RBFOX1: variants seen among roughly 807,000 people sequenced by gnomAD.
RBFOX1 encodes RNA binding fox-1 homolog 1.
In RBFOX1, 8 loss-of-function variants were observed where a neutral mutation model predicts 57.7. That is an observed-to-expected ratio of 0.14 (90% CI 0.08 to 0.25). The LOEUF (loss-of-function observed/expected upper bound fraction) is 0.25. Among genes scored for constraint, RBFOX1 ranks in the 10% least tolerant of loss-of-function variants. The pLI is 1.00. For synonymous variants in RBFOX1, 326 were observed against 222.4 expected, an observed-to-expected ratio of 1.47 and a Z score of -4.15; for missense variants, 611 against 548.5, an observed-to-expected ratio of 1.11 and a Z score of -1.14.
chr16:7,035,348 A>G (rs893867082), intron 3 of RBFOX1, among the ~76,000 whole-genome samples: 1 of 152,160 alleles, frequency 6.6e-6, no homozygotes, highest in African/African-American at 2.4e-5. Flanking sequence ...AGGGTTCCAC[A>G]GTTCCCTGTG....
intron 3 of RBFOX1, among the ~76,000 whole-genome samples, chr16:6,788,751 A>C (rs965503909): frequency 1.1e-4 from 17 of 152,082 alleles, no homozygotes; most frequent in African/African-American, 4.1e-4. Context: ...CTGGGATTAC[A>C]GGTGTGAGCG....
At chr16:7,564,656 G>A (rs548393192) in intron 5 of RBFOX1, among the ~76,000 whole-genome samples, 46 of 150,450 alleles carry the variant, frequency 3.1e-4, no homozygotes, top group Admixed American at 9.9e-4. Flanking sequence ...CTCCAGAACT[G>A]TAAGAAATAA....
chr16:6,450,800 T>TAC lies in RBFOX1; in HGVS notation c.-64+133743_-64+133744insAC, dbSNP rs1567303129. On this transcript the variant is annotated intron_variant, in intron 2 of 15. Transcript: ENST00000550418. Reference sequence around the variant, plus strand: ...ATATATATATATATACATATATATATGTATATATATATATATACATATATA... The same window carrying TAC: ...ATATATATATATATACATATATATATACGTATATATATATATATACATATATA... Among the ~76,000 whole-genome samples the TAC allele has an allele frequency of 1.5e-3, 22 of 14,788 alleles. 2 individuals carry two copies. In the East Asian group the frequency reaches 0.023, roughly 15 times the overall value. 9.7% of individuals were successfully genotyped at this position (14,788 alleles called of 152,430 possible).
At chr16:5,549,013 C>T (rs1022587511) in intron 2 of RBFOX1, among the ~76,000 whole-genome samples, 8 of 152,198 alleles carry the variant, frequency 5.3e-5, no homozygotes, top group Non-Finnish European at 1.2e-4. Context: ...GATGCTGATA[C>T]AGCTCATGAC....
At chr16:6,236,726 C>G (rs1309055935) in intron 1 of RBFOX1, among the ~76,000 whole-genome samples, 4 of 152,154 alleles carry the variant, frequency 2.6e-5, no homozygotes, top group Non-Finnish European at 5.9e-5. Flanking sequence ...GCTGGGATTA[C>G]AGGTGTGAGC....
intron 3 of RBFOX1, among the ~76,000 whole-genome samples, chr16:6,701,847 G>A (rs1034411607): frequency 6.6e-6 from 1 of 152,082 alleles, no homozygotes; most frequent in Non-Finnish European, 1.5e-5. Context: ...AACTAACATA[G>A]GAACAGAAAA....
intron 4 of RBFOX1, among the ~76,000 whole-genome samples, chr16:7,111,575 G>C (rs867388381): frequency 3.2e-4 from 49 of 152,196 alleles, no homozygotes; most frequent in African/African-American, 1.2e-3. Flanking sequence ...CTTATCCTGT[G>C]TGTTTTAAAC....
intron 1 of RBFOX1, among the ~76,000 whole-genome samples, chr16:5,311,118 C>T (rs929138963): frequency 6.6e-6 from 1 of 152,182 alleles, no homozygotes; most frequent in Non-Finnish European, 1.5e-5. Context: ...TGAGTTACTT[C>T]ACTTAGAATA....
intron 1 of RBFOX1, among the ~76,000 whole-genome samples, chr16:5,263,791 G>A (rs2062794075): frequency 6.6e-6 from 1 of 152,162 alleles, no homozygotes; most frequent in Admixed American, 6.5e-5. Context: ...GGGTCTTTGA[G>A]ATACAGAAGA....
At chr16:6,638,403 AGTT>A (rs2098461579) in intron 2 of RBFOX1, among the ~76,000 whole-genome samples, 1 of 152,156 alleles carries the variant, frequency 6.6e-6, no homozygotes, top group Non-Finnish European at 1.5e-5. Flanking sequence ...AAATTTAAGT[AGTT>A]ATTTCTCAGG....
At chr16:6,902,604 C>G (rs373933589) in intron 3 of RBFOX1, among the ~76,000 whole-genome samples, 1 of 152,100 alleles carries the variant, frequency 6.6e-6, no homozygotes. Flanking sequence ...CACCTGTAAT[C>G]CCAGCTATTC....
chr16:7,372,526 A>C (rs1568473915), intron 4 of RBFOX1, among the ~76,000 whole-genome samples: 2 of 152,142 alleles, frequency 1.3e-5, no homozygotes, highest in African/African-American at 4.8e-5. Context: ...GCCAACCCTG[A>C]TTGATTAGTA....
intron 1 of RBFOX1, among the ~76,000 whole-genome samples, chr16:5,299,919 GT>G (rs958964914): frequency 1.2e-4 from 18 of 151,586 alleles, no homozygotes; most frequent in African/African-American, 3.4e-4. Context: ...GTTAGCTGTA[GT>G]TTTTTTTAAT....
intron 3 of RBFOX1, among the ~76,000 whole-genome samples, chr16:6,960,975 A>G (rs893907122): frequency 3.9e-4 from 33 of 84,180 alleles, no homozygotes; most frequent in African/African-American, 8.2e-4. Context: ...TGAAAATACA[A>G]AAAAAAAAAA....
intron 1 of RBFOX1, among the ~76,000 whole-genome samples, chr16:5,440,236 ATC>A (rs1276630167): frequency 6.6e-6 from 1 of 152,316 alleles, no homozygotes; most frequent in East Asian, 1.9e-4. Context: ...TAATTCTAGG[ATC>A]TTTGGTTCTT....
chr16:7,394,918 A>G (rs1439687343), intron 4 of RBFOX1, among the ~76,000 whole-genome samples: 1 of 152,214 alleles, frequency 6.6e-6, no homozygotes, highest in Non-Finnish European at 1.5e-5. Flanking sequence ...CTGTGCATAC[A>G]TAAATAAGGC....
intron 4 of RBFOX1, among the ~76,000 whole-genome samples, chr16:7,129,289 A>C (rs367890402): frequency 6.6e-6 from 1 of 152,146 alleles, no homozygotes; most frequent in Admixed American, 6.5e-5. Context: ...CCAGGAAAAC[A>C]AAGTGTTTCA....
chr16:5,331,289 C>T (rs1343199689), intron 1 of RBFOX1, among the ~76,000 whole-genome samples: 1 of 152,218 alleles, frequency 6.6e-6, no homozygotes, highest in Admixed American at 6.5e-5. Flanking sequence ...GTGCTTTGGG[C>T]TTCGTATCAG....
At chr16:6,084,843 T>C (rs2096062170) in intron 1 of RBFOX1, among the ~76,000 whole-genome samples, 1 of 152,154 alleles carries the variant, frequency 6.6e-6, no homozygotes, top group Admixed American at 6.5e-5. Flanking sequence ...AGTGATTAAG[T>C]AATTTTGACC....
Sources: gnomAD v4.1 joint callset for allele counts (sites outside exome capture counted in the v4.1 genomes callset) on GRCh38, gnomAD v4.1.1 for gene constraint, MANE v1.5 for transcripts, NCBI Gene and HGNC (gene_info 2026-07-23, HGNC 2026-07-21) for gene names.